SLC24A2: variants seen among roughly 807,000 people sequenced by gnomAD.
The protein encoded by SLC24A2 is solute carrier family 24 member 2, also known as sodium/potassium/calcium exchanger 2.
A neutral mutation model predicts 62.0 loss-of-function variants in SLC24A2; 36 were observed. The ratio of observed to expected loss-of-function variants is 0.58; its 90% CI spans 0.44 to 0.77. The LOEUF (loss-of-function observed/expected upper bound fraction) is 0.77. Among genes scored for constraint, SLC24A2 ranks in the 30% least tolerant of loss-of-function variants. The pLI is 0.00. For missense variants in SLC24A2, 846 were observed against 817.9 expected, an observed-to-expected ratio of 1.03 and a Z score of -0.42; for synonymous variants, 358 against 294.0, an observed-to-expected ratio of 1.22 and a Z score of -2.23.
the SLC24A2 span, among the ~76,000 whole-genome samples, chr9:20,005,328 G>A: frequency 6.6e-6 from 1 of 152,080 alleles, no homozygotes; most frequent in African/African-American, 2.4e-5. Context: ...AATCCTAAAA[G>A]TGTTTAAGGA....
At chr9:20,249,613 G>A in the SLC24A2 span, among the ~76,000 whole-genome samples, 2 of 149,328 alleles carry the variant, frequency 1.3e-5, no homozygotes. Flanking sequence ...ACTGAGGCAG[G>A]AGAATTGCTT....
At chr9:20,102,622 T>G in the SLC24A2 span, among the ~76,000 whole-genome samples, 1 of 150,240 alleles carries the variant, frequency 6.7e-6, no homozygotes, top group Non-Finnish European at 1.5e-5. Context: ...TGCACATGTA[T>G]CCCAGAACTT....
At chr9:19,962,150 T>C in the SLC24A2 span, among the ~76,000 whole-genome samples, 1 of 152,214 alleles carries the variant, frequency 6.6e-6, no homozygotes, top group South Asian at 2.1e-4. Flanking sequence ...GACTGCTCAT[T>C]ATGTGTTGGG....
the SLC24A2 span, among the ~76,000 whole-genome samples, chr9:19,974,982 T>C: frequency 6.0e-3 from 918 of 152,272 alleles, 18 homozygotes; most frequent in African/African-American, 0.021. Flanking sequence ...CTCCTTTTTA[T>C]CAGGTAGGAA....
At chr9:19,918,670 G>T in the SLC24A2 span, among the ~76,000 whole-genome samples, 8 of 152,214 alleles carry the variant, frequency 5.3e-5, no homozygotes, top group South Asian at 8.3e-4. Context: ...CCATAAAAGG[G>T]TCCCAGTGAG....
intron 10 of SLC24A2, among the ~76,000 whole-genome samples, chr9:19,519,794 T>C (rs957876200): frequency 6.6e-6 from 1 of 151,648 alleles, no homozygotes; most frequent in Admixed American, 6.6e-5. Context: ...TAAGTCAGAG[T>C]TTTCCAGTCA....
Position 19,576,995 on chromosome 9 carries a change from A to G in SLC24A2, c.1157T>C (p.Leu386Pro), listed in dbSNP as rs765279330. ...ACATTTCTTCTTGGCGATCTTGTGG[A>G]GAATTGAAGCCTTTTCTCTGAACCT... Reference protein sequence around the residue: ...EGRFREKASILHKIAKKKCHV... With the variant: ...EGRFREKASIPHKIAKKKCHV... The change falls in exon 6 of 11, where the codon CTC becomes CCC. Residue 386 changes from leucine (L) to proline (P), a missense_variant. Coordinates refer to ENST00000341998, the MANE Select transcript of SLC24A2 (RefSeq NM_020344.4). The G allele has an allele frequency of 6.2e-7, 1 of 1,614,142 alleles. No individual in the cohort carries two copies. The highest frequency in any genetic ancestry group is 1.7e-5 in the Admixed American group (1 of 60,022).
At position 19,774,360 on chromosome 9, in the gene SLC24A2, C is replaced by T. The variant is rs981407630; in HGVS notation, c.930+11577G>A. ...AAGTAATGTATCCAAGATCACACAGCTAGGAAGGTCTATCCAAAATAATCT... is the reference window on the plus strand; with the variant it reads ...AAGTAATGTATCCAAGATCACACAGTTAGGAAGGTCTATCCAAAATAATCT... On this transcript the variant is annotated intron_variant, in intron 2 of 10. Coordinates refer to ENST00000341998, the MANE Select transcript of SLC24A2 (RefSeq NM_020344.4). Among the ~76,000 whole-genome samples, 67 of 152,132 alleles carry T rather than the reference C, an allele frequency of 4.4e-4. 1 individual carries two copies. The highest frequency in any genetic ancestry group is 4.4e-3 in the Admixed American group (67 of 15,274).
chr9:19,512,135 A>G lies in SLC24A2; in HGVS notation c.*4018T>C, dbSNP rs571209523. 2.6e-5 allele frequency: 4 copies of G among 152,242 alleles called. No individual in the cohort carries two copies. Among genetic ancestry groups the G allele is most frequent in the African/African-American group, 9.6e-5 (4 of 41,530 alleles). The allele number at this position is 152,242 out of a possible 1,614,324, so 9.4% of individuals were successfully genotyped here. ...CTCTCACTGTTCCAGAGGCCTTTAAAAGCTATGTGCAGTGGTGGGGAGTTT... is the reference window on the plus strand; with the variant it reads ...CTCTCACTGTTCCAGAGGCCTTTAAGAGCTATGTGCAGTGGTGGGGAGTTT... On this transcript the variant is annotated 3_prime_UTR_variant, in exon 11 of 11. Transcript: ENST00000341998.
chr9:19,674,922 T>C (rs1350598357), intron 2 of SLC24A2, among the ~76,000 whole-genome samples: 1 of 152,216 alleles, frequency 6.6e-6, no homozygotes, highest in African/African-American at 2.4e-5. Context: ...TTGGGAGTGT[T>C]AAAGAACCTT....
At chr9:20,294,899 A>T in the SLC24A2 span, among the ~76,000 whole-genome samples, 1 of 152,172 alleles carries the variant, frequency 6.6e-6, no homozygotes, top group Admixed American at 6.5e-5. Flanking sequence ...TCACATTTGT[A>T]CCACTCTACT....
intron 1 of SLC24A2, 184 bp downstream of exon 1, chr9:19,788,701 G>A (rs1823252537): frequency 1.0e-6 from 1 of 985,224 alleles, no homozygotes; most frequent in Non-Finnish European, 1.2e-6. Flanking sequence ...AGAGGCGGGG[G>A]CTCCAAATCC....
chr9:20,202,507 G>A, the SLC24A2 span, among the ~76,000 whole-genome samples: 1 of 152,224 alleles, frequency 6.6e-6, no homozygotes, highest in Admixed American at 6.5e-5. Flanking sequence ...GTGGGAAAAA[G>A]CAGTTATGGC....
At chr9:19,707,904 G>T (rs1820583168) in intron 2 of SLC24A2, among the ~76,000 whole-genome samples, 2 of 152,102 alleles carry the variant, frequency 1.3e-5, no homozygotes, top group South Asian at 4.2e-4. Flanking sequence ...GTTCTGGCCA[G>T]GGCAATTAGG....
intron 8 of SLC24A2, among the ~76,000 whole-genome samples, chr9:19,531,850 A>G (rs1262160797): frequency 1.3e-5 from 2 of 152,158 alleles, no homozygotes; most frequent in Non-Finnish European, 2.9e-5. Flanking sequence ...GTAAAATGGG[A>G]GAAATAACAT....
At chr9:19,859,729 C>G in the SLC24A2 span, among the ~76,000 whole-genome samples, 2 of 152,206 alleles carry the variant, frequency 1.3e-5, no homozygotes, top group African/African-American at 4.8e-5. Flanking sequence ...AAGGACATCA[C>G]CCATTTCTCA....
chr9:19,741,240 A>G (rs1821667716), intron 2 of SLC24A2, among the ~76,000 whole-genome samples: 1 of 152,176 alleles, frequency 6.6e-6, no homozygotes, highest in African/African-American at 2.4e-5. Context: ...GATATTTTGC[A>G]AACCACGCTC....
chr9:20,192,695 T>C, the SLC24A2 span, among the ~76,000 whole-genome samples: 3 of 152,180 alleles, frequency 2.0e-5, no homozygotes, highest in Admixed American at 2.0e-4. Context: ...AAATTCCTGA[T>C]ACGGGGGCTG....
At chr9:19,942,702 A>T in the SLC24A2 span, among the ~76,000 whole-genome samples, 1 of 152,194 alleles carries the variant, frequency 6.6e-6, no homozygotes, top group African/African-American at 2.4e-5. Flanking sequence ...GCCACCATTT[A>T]TGTCTACGTG....
Sources: gnomAD v4.1 joint callset for allele counts (sites outside exome capture counted in the v4.1 genomes callset) on GRCh38, gnomAD v4.1.1 for gene constraint, MANE v1.5 for transcripts, NCBI Gene and HGNC (gene_info 2026-07-23, HGNC 2026-07-21) for gene names.